Variants in MED27 observed in about 807,000 individuals in gnomAD.
MED27 encodes the protein mediator of RNA polymerase II transcription subunit 27.
A neutral mutation model predicts 38.2 loss-of-function variants in MED27; 30 were observed. That is an observed-to-expected ratio of 0.79 (90% CI 0.59 to 1.07). MED27 has a LOEUF of 1.07. Among genes scored for constraint, MED27 ranks in the 50% least tolerant of loss-of-function variants. The pLI is 0.00. For synonymous variants in MED27, 122 were observed against 153.5 expected, an observed-to-expected ratio of 0.79 and a Z score of 1.52; for missense variants, 289 against 397.5, an observed-to-expected ratio of 0.73 and a Z score of 2.32.
chr9:132,063,398 C>T (rs1216179093), intron 2 of MED27, among the ~76,000 whole-genome samples: 1 of 152,172 alleles, frequency 6.6e-6, no homozygotes, highest in African/African-American at 2.4e-5. Flanking sequence ...CAACATTCCC[C>T]ACAAGACATC....
rs551307504 is a variant in MED27, at chr9:132,040,490, G to A, written c.349-26023C>T. Among the ~76,000 whole-genome samples the A allele has an allele frequency of 3.3e-5, 5 of 152,288 alleles. No homozygotes were observed. The East Asian group carries it at 7.7e-4, about 24-fold the overall frequency. On this transcript the variant is annotated intron_variant, in intron 2 of 7. Coordinates refer to ENST00000292035, the MANE Select transcript of MED27 (RefSeq NM_004269.4). The stretch of plus-strand genomic sequence containing the variant: ...GGCATCACCTGACGAGAGACTGCCC[G>A]TACAAATGTCACGAGAAAGCTATAA...
At chr9:131,973,612 C>T (rs10901115) in intron 3 of MED27, among the ~76,000 whole-genome samples, 65,144 of 151,736 alleles carry the variant, frequency 0.43, 15,407 homozygotes, top group African/African-American at 0.64. Context: ...TCTGACTGGA[C>T]GGGCTGCAGC....
chr9:132,044,319 G>T (rs1238675373), intron 2 of MED27, among the ~76,000 whole-genome samples: 5 of 152,208 alleles, frequency 3.3e-5, no homozygotes, highest in African/African-American at 1.2e-4. Flanking sequence ...TTCAGCAATT[G>T]TGTCAAGCAC....
intron 3 of MED27, among the ~76,000 whole-genome samples, chr9:132,002,798 C>T (rs1261478605): frequency 6.6e-6 from 1 of 151,386 alleles, no homozygotes; most frequent in East Asian, 1.9e-4. Context: ...GCCTGTAATC[C>T]CAGCTACTCC....
chr9:131,885,950 G>C (rs557416639), intron 5 of MED27, among the ~76,000 whole-genome samples: 2 of 152,170 alleles, frequency 1.3e-5, no homozygotes, highest in Non-Finnish European at 2.9e-5. Flanking sequence ...GTTGGCCAGC[G>C]GTCAGGTAGA....
intron 2 of MED27, among the ~76,000 whole-genome samples, chr9:132,072,347 G>T (rs1833959335): frequency 6.6e-6 from 1 of 152,056 alleles, no homozygotes; most frequent in Middle Eastern, 3.4e-3. Flanking sequence ...TTTTTCCCTT[G>T]TATCAAGGGT....
At chr9:131,900,259 G>A (rs1004749828) in intron 4 of MED27, among the ~76,000 whole-genome samples, 2 of 152,236 alleles carry the variant, frequency 1.3e-5, no homozygotes, top group African/African-American at 2.4e-5. Context: ...TCTGGGCAGC[G>A]AGCGGGGGCC....
intron 3 of MED27, among the ~76,000 whole-genome samples, chr9:131,987,222 G>T (rs1230497671): frequency 6.6e-6 from 1 of 151,664 alleles, no homozygotes; most frequent in Non-Finnish European, 1.5e-5. Flanking sequence ...GACTAATGCT[G>T]GTGCATCTTT....
chr9:131,939,837 C>T (rs1830751935), intron 3 of MED27, among the ~76,000 whole-genome samples: 1 of 151,958 alleles, frequency 6.6e-6, no homozygotes, highest in Admixed American at 6.5e-5. Flanking sequence ...GGCTGTCTCA[C>T]TGTCTAATCT....
At chr9:132,042,970 A>G (rs1348879149) in intron 2 of MED27, among the ~76,000 whole-genome samples, 1 of 152,208 alleles carries the variant, frequency 6.6e-6, no homozygotes, top group Non-Finnish European at 1.5e-5. Flanking sequence ...CATAGACCAT[A>G]GGTACTTTTG....
chr9:131,984,117 C>G (rs1314437502), intron 3 of MED27, among the ~76,000 whole-genome samples: 1 of 152,180 alleles, frequency 6.6e-6, no homozygotes, highest in Non-Finnish European at 1.5e-5. Context: ...AGCTAACTCC[C>G]TCCCCACATT....
rs1838659813 is a variant in MED27 at position 131,861,981 on chromosome 9, AG to A, written c.801+1081del. 6.6e-6 allele frequency among the ~76,000 whole-genome samples: 1 copy of A among 152,166 alleles called. No individual in the cohort carries two copies. Among genetic ancestry groups the A allele is most frequent in the African/African-American group, 2.4e-5 (1 of 41,436 alleles). On this transcript the variant is annotated intron_variant, in intron 7 of 7. Transcript: ENST00000292035. This position sits in a 1 kb window ranked among gnomAD's most constrained non-coding sequence, Gnocchi z 4.4. ...GGGAAAGGGGGCATTACAACGTGTTAGGCTCAAAAGCAAGTCTTTATATCTA... is the reference window on the plus strand; with the variant it reads ...GGGAAAGGGGGCATTACAACGTGTTAGCTCAAAAGCAAGTCTTTATATCTA...
Position 131,861,366 on chromosome 9 carries a change from G to A in MED27, c.802-694C>T, listed in dbSNP as rs547863054. On this transcript the variant is annotated intron_variant, in intron 7 of 7. Coordinates refer to ENST00000292035, the MANE Select transcript of MED27 (RefSeq NM_004269.4). This position sits in a 1 kb window ranked among gnomAD's most constrained non-coding sequence, Gnocchi z 4.4. ...CTACCAAAGAAAAAAATACCCAAAC[G>A]TAAAACAGCAGGCAAGCAAGTTCTC... Among the ~76,000 whole-genome samples, 17 of 152,254 alleles carry A rather than the reference G, an allele frequency of 1.1e-4. No individual in the cohort carries two copies. In the South Asian group the frequency reaches 2.7e-3, roughly 24 times the overall value.
At chr9:131,959,810 A>G (rs778387815) in intron 3 of MED27, among the ~76,000 whole-genome samples, 3 of 152,208 alleles carry the variant, frequency 2.0e-5, no homozygotes, top group Non-Finnish European at 4.4e-5. Flanking sequence ...ATCTATCAGT[A>G]TATAACAGCA....
intron 4 of MED27, among the ~76,000 whole-genome samples, chr9:131,931,926 C>T (rs568528614): frequency 5.1e-4 from 78 of 152,222 alleles, no homozygotes; most frequent in African/African-American, 1.8e-3. Flanking sequence ...ATTTCAGCAT[C>T]GGACAGATCT....
intron 3 of MED27, among the ~76,000 whole-genome samples, chr9:131,973,428 C>T (rs72763604): frequency 0.12 from 18,191 of 150,292 alleles, 1,342 homozygotes; most frequent in South Asian, 0.19. Context: ...CTGGAAGAGG[C>T]TTCCCTTTTC....
chr9:132,068,687 C>T (rs533209901), intron 2 of MED27, among the ~76,000 whole-genome samples: 43 of 152,070 alleles, frequency 2.8e-4, no homozygotes, highest in Non-Finnish European at 5.1e-4. Context: ...CATCCCACCA[C>T]GAGAAGCAGG....
At chr9:132,045,537 A>C (rs1456635050) in intron 2 of MED27, among the ~76,000 whole-genome samples, 1 of 152,122 alleles carries the variant, frequency 6.6e-6, no homozygotes, top group Non-Finnish European at 1.5e-5. Context: ...TGAGTGGTAA[A>C]GGGACAGGAT....
chr9:132,060,540 T>C (rs894539289), intron 2 of MED27, among the ~76,000 whole-genome samples: 2 of 152,226 alleles, frequency 1.3e-5, no homozygotes, highest in Admixed American at 6.5e-5. Flanking sequence ...TCCATTTCTA[T>C]AGAAGCTTCC....
Sources: gnomAD v4.1 joint callset for allele counts (sites outside exome capture counted in the v4.1 genomes callset) on GRCh38, gnomAD v4.1.1 for gene constraint, Gnocchi (gnomAD v3.1) non-coding constraint, MANE v1.5 for transcripts, NCBI Gene and HGNC (gene_info 2026-07-23, HGNC 2026-07-21) for gene names.